The following TTK variants were observed in gnomAD, a reference collection of about 807,000 sequenced individuals.
TTK encodes the protein dual specificity protein kinase TTK.
In TTK, 59 loss-of-function variants were observed where a neutral mutation model predicts 117.3. That is an observed-to-expected ratio of 0.50 (90% CI 0.41 to 0.62). The LOEUF is 0.62. Among genes scored for constraint, TTK ranks in the 20% least tolerant of loss-of-function variants. The pLI is 0.00. For missense variants in TTK, 921 were observed against 989.4 expected (o/e 0.93, Z 0.93); for synonymous variants, 302 against 325.0 (o/e 0.93, Z 0.76).
At chr6:80,006,309 G>T in intron 2 of TTK, 1 of 282,200 alleles carries the variant, frequency 3.5e-6, no homozygotes. Context: ...TTGGTCATTT[G>T]AATGGTGACC....
intron 11 of TTK, among the ~76,000 whole-genome samples, chr6:80,022,748 TAAAG>T (rs1356176982): frequency 6.6e-6 from 1 of 152,122 alleles, no homozygotes; most frequent in African/African-American, 2.4e-5. Context: ...ATTGTGTAAA[TAAAG>T]ACTTACTGGA....
rs574781936 is a variant in TTK, at chr6:80,013,217, A to G, written c.897-62A>G. The G allele has an allele frequency of 1.7e-5, 23 of 1,386,402 alleles. No homozygotes were observed. The East Asian group carries it at 5.6e-4, about 34-fold the overall frequency. The allele number at this position is 1,386,402 out of a possible 1,614,324, so 85.9% of individuals were successfully genotyped here. On this transcript the variant is annotated intron_variant, in intron 8 of 21. Transcript: ENST00000369798. ...TAAAAATCCAACTTGAGATGAAAAA[A>G]TACATTGAAAATTTTTTTTTTCAAA...
chr6:80,040,016 G>C, intron 19 of TTK, 144 bp downstream of exon 19: 1 of 1,008,068 alleles, frequency 9.9e-7, no homozygotes, highest in Non-Finnish European at 1.4e-6. Flanking sequence ...ATGTTTTAAA[G>C]CTTGTAAATA....
chr6:80,016,388 G>T (rs1767308019), intron 10 of TTK, among the ~76,000 whole-genome samples: 1 of 151,978 alleles, frequency 6.6e-6, no homozygotes, highest in African/African-American at 2.4e-5. Flanking sequence ...TTTAATTTTA[G>T]GCATTCTGAT....
At chr6:80,032,284 G>A (rs979136639) in intron 14 of TTK, among the ~76,000 whole-genome samples, 3 of 151,500 alleles carry the variant, frequency 2.0e-5, no homozygotes, top group African/African-American at 7.3e-5. Context: ...GCTTTTTTCC[G>A]CACTTGGTTT....
chr6:80,040,581 A>G lies in TTK; in HGVS notation c.2393-25A>G, dbSNP rs779003804. On this transcript the variant is annotated intron_variant, in intron 20 of 21. Transcript: ENST00000369798. ...GACTTATATTTTTCTTACTGGTACT[A>G]GTGTATTATTGATTTATTTTATAGT... The G allele has an allele frequency of 7.6e-6, 12 of 1,586,862 alleles. No homozygotes were observed. The East Asian group carries it at 1.1e-4, about 15-fold the overall frequency.
intron 1 of TTK, among the ~76,000 whole-genome samples, chr6:80,005,099 A>G (rs1255545920): frequency 6.6e-6 from 1 of 152,168 alleles, no homozygotes; most frequent in Non-Finnish European, 1.5e-5. Flanking sequence ...GTGGAGTGAT[A>G]CCTTGCTGCA....
intron 8 of TTK, among the ~76,000 whole-genome samples, chr6:80,012,446 ATG>A (rs2127716988): frequency 6.6e-6 from 1 of 152,052 alleles, no homozygotes; most frequent in East Asian, 1.9e-4. Flanking sequence ...TTAGGTACAG[ATG>A]AATTACTGTT....
At chr6:80,036,426 T>G (rs759255006) in intron 16 of TTK, 49 bp from the exon 17 acceptor site, 1 of 1,542,982 alleles carries the variant, frequency 6.5e-7, no homozygotes, top group Admixed American at 2.0e-5. Context: ...TTTTTGGTCC[T>G]TAGAATGTTT....
Position 80,026,494 on chromosome 6 carries a change from C to T in TTK, c.1374C>T (p.Thr458=). 6.2e-7 allele frequency: 1 copy of T among 1,613,696 alleles called. No individual in the cohort carries two copies. Among genetic ancestry groups the T allele is most frequent in the Non-Finnish European group, 8.5e-7 (1 of 1,179,828 alleles). Residue 458 remains threonine (T), a synonymous_variant, in exon 12 of 22, where the codon ACC becomes ACT. Coordinates refer to ENST00000369798, the MANE Select transcript of TTK (RefSeq NM_003318.5). ...KSICKTPSSN[T]LDDYMSCFRT... is the part of the protein sequence containing the mutation. Reference sequence around the variant, plus strand: ...TTTGTAAGACACCAAGCAGCAATACCTTGGATGATTACATGAGCTGGTAAT... The same window carrying T: ...TTTGTAAGACACCAAGCAGCAATACTTTGGATGATTACATGAGCTGGTAAT...
chr6:80,008,360 A>T (rs779854080), intron 3 of TTK, 26 bp from the exon 4 acceptor site: 228 of 1,591,712 alleles, frequency 1.4e-4, no homozygotes, highest in Admixed American at 3.5e-4. Flanking sequence ...TTTTTCTTAA[A>T]TTTTGACTCA....
chr6:80,018,182 CA>C (rs34640169), intron 10 of TTK, among the ~76,000 whole-genome samples: 9,179 of 135,884 alleles, frequency 0.068, 502 homozygotes, highest in African/African-American at 0.17. Context: ...GACCTTGTCT[CA>C]AAAAAAAAAA....
In TTK at chr6:80,008,289, C is replaced by T. The variant is rs1767049322; in HGVS notation, c.363-97C>T. 22 of 1,221,112 alleles carry T rather than the reference C, an allele frequency of 1.8e-5. No individual in the cohort carries two copies. The South Asian group carries it at 2.8e-4, about 16-fold the overall frequency. 75.6% of individuals were successfully genotyped at this position (1,221,112 alleles called of 1,614,324 possible). A position where few individuals can be genotyped will look rare whatever the true frequency, so the allele number is the denominator to read the frequency against. The stretch of plus-strand genomic sequence containing the variant: ...ATTTAATTTTACCCACAGAAAAAAG[C>T]AATATCCCATGTTTTTTGGAAAATT... On this transcript the variant is annotated intron_variant, in intron 3 of 21. Coordinates refer to ENST00000369798, the MANE Select transcript of TTK (RefSeq NM_003318.5).
chr6:80,007,571 G>T (rs240224), intron 2 of TTK, among the ~76,000 whole-genome samples: 102,139 of 151,918 alleles, frequency 0.67, 34,905 homozygotes, highest in East Asian at 0.79. Context: ...ATTTCCAAAT[G>T]TTTTCTTTCC....
Position 80,035,016 on chromosome 6 carries a change from T to A in TTK, c.1646T>A (p.Ile549Lys). The A allele has an allele frequency of 6.3e-7, 1 of 1,589,298 alleles. No homozygotes were observed. Among genetic ancestry groups the A allele is most frequent in the Middle Eastern group, 1.7e-4 (1 of 5,910 alleles). ...CAGGTGTTAAATGAAAAGAAACAGA[T>A]ATATGCTATAAAATATGTGAACTTA... ...VFQVLNEKKQ[I>K]YAIKYVNLEE... The change falls in exon 15 of 22, where the codon ATA (isoleucine) becomes AAA (lysine). Residue 549 changes from isoleucine to lysine, a missense_variant. Physicochemically the swap from Ile to Lys is moderately radical, Grantham distance 102 (BLOSUM62 -3). Transcript: ENST00000369798.
intron 14 of TTK, 48 bp from the exon 15 acceptor site, chr6:80,034,937 T>C (rs530013106): frequency 1.5e-6 from 2 of 1,319,550 alleles, no homozygotes; most frequent in Admixed American, 5.7e-5. Context: ...CATTGTGTGA[T>C]AGTGTATAAA....
intron 9 of TTK, 163 bp downstream of exon 9, chr6:80,013,529 C>G (rs1232357485): frequency 1.8e-6 from 1 of 551,998 alleles, no homozygotes; most frequent in African/African-American, 2.0e-5. Flanking sequence ...GAAGTTGGTG[C>G]AGAAGTCCTA....
At chr6:80,004,740 G>C (rs1258372753) in intron 1 of TTK, 27 bp downstream of exon 1, 1 of 152,140 alleles carries the variant, frequency 6.6e-6, no homozygotes, top group Non-Finnish European at 1.5e-5. Flanking sequence ...CGGTGCACCG[G>C]CGCACTGAGG....
chr6:80,016,697 A>G (rs1303225220), intron 10 of TTK, among the ~76,000 whole-genome samples: 1 of 152,106 alleles, frequency 6.6e-6, no homozygotes, highest in Non-Finnish European at 1.5e-5. Flanking sequence ...CTTAGCTGAG[A>G]CACTCTCCTG....
Sources: gnomAD v4.1 joint callset for allele counts (sites outside exome capture counted in the v4.1 genomes callset) on GRCh38, gnomAD v4.1.1 for gene constraint, MANE v1.5 for transcripts, NCBI Gene and HGNC (gene_info 2026-07-23, HGNC 2026-07-21) for gene names.